The following RARB variants were observed in gnomAD, a reference collection of about 807,000 sequenced individuals.
RARB encodes retinoic acid receptor beta.
A neutral mutation model predicts 51.9 loss-of-function variants in RARB; 17 were observed. That is an observed-to-expected ratio of 0.33 (90% CI 0.22 to 0.49). RARB has a LOEUF of 0.49. Ranked by LOEUF, RARB falls within the 20% of genes least tolerant of loss-of-function variation. RARB has a pLI of 0.99. For missense variants in RARB, 369 were observed against 550.8 expected (o/e 0.67, Z 3.30); for synonymous variants, 215 against 195.4 (o/e 1.10, Z -0.84).
intron 5 of RARB, among the ~76,000 whole-genome samples, chr3:25,350,318 C>T (rs184940307): frequency 1.3e-5 from 2 of 152,276 alleles, no homozygotes; most frequent in South Asian, 2.1e-4. Context: ...GAGCTCTTTG[C>T]ATTCCATACC....
chr3:24,960,959 G>A (rs77285149), intron 2 of RARB, among the ~76,000 whole-genome samples: 238 of 152,212 alleles, frequency 1.6e-3, no homozygotes, highest in African/African-American at 5.2e-3. Flanking sequence ...AACTAGTGGC[G>A]GGGCCTGTGA....
intron 2 of RARB, among the ~76,000 whole-genome samples, chr3:24,967,035 T>C (rs1696290417): frequency 6.6e-6 from 1 of 152,128 alleles, no homozygotes; most frequent in Non-Finnish European, 1.5e-5. Context: ...ATTTACTTTG[T>C]GTAGTTTTAT....
intron 5 of RARB, among the ~76,000 whole-genome samples, chr3:25,420,559 A>G (rs888776652): frequency 2.4e-4 from 36 of 152,350 alleles, no homozygotes; most frequent in African/African-American, 7.9e-4. Context: ...TTTCATCAGA[A>G]AATTCTTTTC....
rs533411001 is a variant in RARB, at chr3:24,913,271, A to C, written c.-380+54519A>C. ...AGTGCTGGGATTACAGGTGTGAGCC[A>C]CCGCGCCCAGCCGGTACTGTTCTTT... On this transcript the variant is annotated intron_variant, in intron 2 of 11. Coordinates refer to the RARB transcript ENST00000383772. 4.5e-3 allele frequency among the ~76,000 whole-genome samples: 688 copies of C among 152,042 alleles called. 2 individuals are homozygous for C. Among genetic ancestry groups the C allele is most frequent in the Middle Eastern group, 0.02 (6 of 294 alleles).
chr3:25,582,761 C>T (rs1403126272), intron 5 of RARB, among the ~76,000 whole-genome samples: 1 of 152,116 alleles, frequency 6.6e-6, no homozygotes, highest in Admixed American at 6.5e-5. Context: ...TAGCCATTAG[C>T]CCCTTGGTAG....
At chr3:25,068,692 C>T (rs1178634259) in intron 3 of RARB, among the ~76,000 whole-genome samples, 4 of 151,994 alleles carry the variant, frequency 2.6e-5, no homozygotes, top group African/African-American at 4.8e-5. Context: ...TGGTGCAGTC[C>T]CTCAGCACAA....
At chr3:24,959,939 T>C (rs1171497197) in intron 2 of RARB, among the ~76,000 whole-genome samples, 2 of 152,230 alleles carry the variant, frequency 1.3e-5, no homozygotes, top group Non-Finnish European at 2.9e-5. Flanking sequence ...GGAGACTTAT[T>C]CGAGATCTCT....
intron 5 of RARB, among the ~76,000 whole-genome samples, chr3:25,179,444 C>T (rs372331573): frequency 6.6e-6 from 1 of 152,138 alleles, no homozygotes; most frequent in Non-Finnish European, 1.5e-5. Context: ...ACAGGAATCA[C>T]ATTTGATTTT....
intron 3 of RARB, among the ~76,000 whole-genome samples, chr3:25,079,515 A>G (rs950090297): frequency 5.3e-5 from 8 of 152,116 alleles, no homozygotes; most frequent in African/African-American, 1.9e-4. Context: ...ATCATTTACC[A>G]TTAAGTATTA....
intron 5 of RARB, among the ~76,000 whole-genome samples, chr3:25,260,675 G>A (rs1335793159): frequency 2.0e-5 from 3 of 152,094 alleles, no homozygotes; most frequent in Non-Finnish European, 4.4e-5. Context: ...GTGCTCAGAT[G>A]AGAGATGTCA....
At position 25,195,841 on chromosome 3, in the gene RARB, TATAAA is replaced by T. The variant is rs1237890210; in HGVS notation, c.178+21272_178+21276del. 2.0e-5 allele frequency among the ~76,000 whole-genome samples: 3 copies of T among 152,154 alleles called. No homozygotes were observed. The East Asian group carries it at 5.8e-4, about 29-fold the overall frequency. On this transcript the variant is annotated intron_variant, in intron 5 of 11. Coordinates refer to the RARB transcript ENST00000383772. ...AAAATATGAAAATGTAAACATCTTC[TATAAA>T]ATAAAGTTATATAAATATATCTGAA...
intron 5 of RARB, among the ~76,000 whole-genome samples, chr3:25,177,241 T>A (rs576321337): frequency 2.6e-5 from 4 of 152,334 alleles, no homozygotes; most frequent in Non-Finnish European, 4.4e-5. Context: ...AGCCCGTGTT[T>A]TCAAAAGTTC....
upstream of RARB, among the ~76,000 whole-genome samples, chr3:25,427,669 A>G (rs758501866): frequency 6.6e-6 from 1 of 152,224 alleles, no homozygotes. Flanking sequence ...AGTGCAGTCA[A>G]TTCAGCCAGG....
intron 3 of RARB, among the ~76,000 whole-genome samples, chr3:25,068,547 A>C (rs1339007197): frequency 6.6e-6 from 1 of 152,226 alleles, no homozygotes; most frequent in African/African-American, 2.4e-5. Flanking sequence ...TGTTCTGGTT[A>C]ATGACATCAA....
chr3:24,878,941 T>G (rs1703102734), intron 2 of RARB, among the ~76,000 whole-genome samples: 1 of 152,258 alleles, frequency 6.6e-6, no homozygotes. Flanking sequence ...TTTCTCATTT[T>G]TATTTCTTCT....
chr3:25,218,725 G>T (rs1441123480), intron 5 of RARB, among the ~76,000 whole-genome samples: 3 of 152,164 alleles, frequency 2.0e-5, no homozygotes, highest in Admixed American at 2.0e-4. Context: ...TGCTCCCTGT[G>T]ATCCTTATGA....
chr3:25,433,177 T>A (rs1290557618), intron 1 of RARB, among the ~76,000 whole-genome samples: 1 of 152,146 alleles, frequency 6.6e-6, no homozygotes, highest in Non-Finnish European at 1.5e-5. Flanking sequence ...AATTACAGGG[T>A]AGTTATGACA....
At chr3:25,171,440 ATT>A (rs1157902711) in intron 4 of RARB, among the ~76,000 whole-genome samples, 350 of 32,188 alleles carry the variant, frequency 0.011, 3 homozygotes, top group African/African-American at 0.046. Context: ...CGACACATTG[ATT>A]TTTTTTTTTT....
intron 5 of RARB, among the ~76,000 whole-genome samples, chr3:25,335,836 G>C (rs13321121): frequency 0.032 from 4,893 of 152,288 alleles, 172 homozygotes; most frequent in African/African-American, 0.095. Flanking sequence ...CCAGGGAACA[G>C]TCCACAGGAA....
Sources: gnomAD v4.1 joint callset for allele counts (sites outside exome capture counted in the v4.1 genomes callset) on GRCh38, gnomAD v4.1.1 for gene constraint, MANE v1.5 for transcripts, NCBI Gene and HGNC (gene_info 2026-07-23, HGNC 2026-07-21) for gene names.